UBXN7: variants seen among roughly 807,000 people sequenced by gnomAD.
The protein encoded by UBXN7 is UBX domain protein 7, also known as UBX domain-containing protein 7.
A neutral mutation model predicts 58.0 loss-of-function variants in UBXN7; 9 were observed. The ratio of observed to expected loss-of-function variants is 0.16; its 90% confidence interval spans 0.09 to 0.27. UBXN7 has a LOEUF of 0.27. Ranked by LOEUF, UBXN7 falls within the 10% of genes least tolerant of loss-of-function variation. The pLI is 1.00. For missense variants in UBXN7, 328 were observed against 599.6 expected, an observed-to-expected ratio of 0.55 and a Z score of 4.73; for synonymous variants, 208 against 205.0, an observed-to-expected ratio of 1.01 and a Z score of -0.12.
chr3:196,370,122 T>G (rs1728778101), intron 6 of UBXN7, among the ~76,000 whole-genome samples: 1 of 134,034 alleles, frequency 7.5e-6, no homozygotes, highest in Admixed American at 7.7e-5. Flanking sequence ...ATGCAAGACT[T>G]GTCTCAAAAA....
chr3:196,406,358 A>C (rs907488466), intron 2 of UBXN7, among the ~76,000 whole-genome samples: 1 of 151,662 alleles, frequency 6.6e-6, no homozygotes, highest in Non-Finnish European at 1.5e-5. Context: ...TAAGGTTTTC[A>C]TACTGATTTC....
intron 3 of UBXN7, among the ~76,000 whole-genome samples, chr3:196,399,339 C>A (rs950065116): frequency 6.6e-6 from 1 of 151,304 alleles, no homozygotes; most frequent in Admixed American, 6.6e-5. Context: ...GGTCTCAATA[C>A]GTTGCCCAGG....
chr3:196,418,313 G>GGAAGGACT (rs1215131185), intron 1 of UBXN7, among the ~76,000 whole-genome samples: 1 of 151,840 alleles, frequency 6.6e-6, no homozygotes, highest in East Asian at 1.9e-4. Flanking sequence ...ACGGAATGAC[G>GGAAGGACT]GACAGATAGT....
At chr3:196,415,395 G>T (rs529925044) in intron 1 of UBXN7, among the ~76,000 whole-genome samples, 17 of 149,100 alleles carry the variant, frequency 1.1e-4, no homozygotes, top group Middle Eastern at 3.4e-3. Flanking sequence ...CTTGTGATCC[G>T]CCTGCCTCAG....
chr3:196,353,184 G>A lies in UBXN7; in HGVS notation c.*3501C>T, dbSNP rs757857356. 2.7e-4 allele frequency: 41 copies of A among 152,188 alleles called. 1 individual carries two copies. Among genetic ancestry groups the A allele is most frequent in the Non-Finnish European group, 2.5e-4 (17 of 68,032 alleles). The allele number at this position is 152,188 out of a possible 1,614,324, so 9.4% of individuals were successfully genotyped here. A position where few individuals can be genotyped will look rare whatever the true frequency, so the allele number is the denominator to read the frequency against. On this transcript the variant is annotated 3_prime_UTR_variant, in exon 11 of 11. Coordinates refer to ENST00000296328, the MANE Select transcript of UBXN7 (RefSeq NM_015562.2). ...ATCTGGGTAGCTTGATTCTCTTGCT[G>A]AAGGAGACCACAGCATGGACTCTGG... is the stretch of plus-strand genomic sequence containing the variant.
intron 5 of UBXN7, 110 bp from the exon 6 acceptor site, chr3:196,372,152 C>T (rs1728851888): frequency 8.3e-7 from 1 of 1,211,094 alleles, no homozygotes; most frequent in Non-Finnish European, 1.1e-6. Flanking sequence ...AAGTTTTTGC[C>T]AGATACGACA....
chr3:196,426,770 C>T (rs1235920094), intron 1 of UBXN7, among the ~76,000 whole-genome samples: 2 of 151,972 alleles, frequency 1.3e-5, no homozygotes, highest in Non-Finnish European at 2.9e-5. Flanking sequence ...ATCGCTTGAA[C>T]CCGGGAGGTG....
chr3:196,384,209 G>T (rs1288981520), intron 5 of UBXN7, among the ~76,000 whole-genome samples: 2 of 151,978 alleles, frequency 1.3e-5, no homozygotes, highest in South Asian at 2.1e-4. Flanking sequence ...GAAGAAATGG[G>T]CAAATTCCTG....
Position 196,350,591 on chromosome 3 carries a change from G to T in UBXN7, c.*6094C>A, listed in dbSNP as rs1728187194. ...AGGATTAAAAGATTTCTAATTAAGG[G>T]TCTGTCACTTCACAGGACAACTAGC... On this transcript the variant is annotated 3_prime_UTR_variant, in exon 11 of 11. Transcript: ENST00000296328. 2.3e-5 allele frequency: 1 copy of T among 43,040 alleles called. No individual in the cohort carries two copies. The allele number at this position is 43,040 out of a possible 1,614,324, so 2.7% of individuals were successfully genotyped here.
chr3:196,423,463 G>T, intron 1 of UBXN7: 1 of 264,566 alleles, frequency 3.8e-6, no homozygotes, highest in Admixed American at 4.6e-5. Context: ...TCTTTTCTTG[G>T]CTGTGATGGG....
At chr3:196,391,977 TGAAA>T in intron 4 of UBXN7, 52 bp from the exon 5 acceptor site, 1 of 318,034 alleles carries the variant, frequency 3.1e-6, no homozygotes. Context: ...TGAATCACAC[TGAAA>T]AAAAAAAAAA....
intron 2 of UBXN7, among the ~76,000 whole-genome samples, chr3:196,403,812 A>G (rs1730066041): frequency 6.6e-6 from 1 of 152,210 alleles, no homozygotes; most frequent in Admixed American, 6.5e-5. Flanking sequence ...CCTAATATAC[A>G]GAACAAAAAA....
At chr3:196,391,712 CGACAGAG>C in intron 5 of UBXN7, 94 bp downstream of exon 5, 1 of 824,066 alleles carries the variant, frequency 1.2e-6, no homozygotes, top group Non-Finnish European at 1.9e-6. Context: ...CCAGCCTGGA[CGACAGAG>C]CGAGACCTGC....
At chr3:196,360,171 G>T (rs919501237) in intron 10 of UBXN7, among the ~76,000 whole-genome samples, 2 of 152,260 alleles carry the variant, frequency 1.3e-5, no homozygotes, top group African/African-American at 4.8e-5. Context: ...AGTGCAAGGT[G>T]AAGCAGCAAG....
intron 7 of UBXN7, 147 bp from the exon 8 acceptor site, chr3:196,368,302 TG>T: frequency 1.4e-6 from 1 of 721,398 alleles, no homozygotes. Flanking sequence ...ATTAAAAACC[TG>T]GATCTATAAA....
chr3:196,422,178 T>G (rs1379183369), intron 1 of UBXN7, among the ~76,000 whole-genome samples: 1 of 151,228 alleles, frequency 6.6e-6, no homozygotes, highest in African/African-American at 2.4e-5. Context: ...CCAGCCTGGG[T>G]GACAGGGTGA....
chr3:196,411,569 T>A (rs1269946712), intron 1 of UBXN7, among the ~76,000 whole-genome samples: 2 of 152,206 alleles, frequency 1.3e-5, no homozygotes, highest in Non-Finnish European at 2.9e-5. Context: ...CCCAGCACTT[T>A]GAGAGACCAA....
At chr3:196,422,449 C>T (rs927073130) in intron 1 of UBXN7, among the ~76,000 whole-genome samples, 1 of 150,954 alleles carries the variant, frequency 6.6e-6, no homozygotes, top group African/African-American at 2.4e-5. Context: ...GGCTGCACTC[C>T]ACCAGGGGCA....
intron 1 of UBXN7, among the ~76,000 whole-genome samples, chr3:196,420,401 C>T (rs752372110): frequency 2.6e-5 from 4 of 151,892 alleles, no homozygotes; most frequent in African/African-American, 7.2e-5. Flanking sequence ...CATGGTGATG[C>T]GTGCCTGTAA....
Sources: gnomAD v4.1 joint callset for allele counts (sites outside exome capture counted in the v4.1 genomes callset) on GRCh38, gnomAD v4.1.1 for gene constraint, MANE v1.5 for transcripts, NCBI Gene and HGNC (gene_info 2026-07-23, HGNC 2026-07-21) for gene names.